The following TPD52L1 variants were observed in gnomAD, a reference collection of about 807,000 sequenced individuals.
TPD52L1 encodes tumor protein D53.
Under a neutral mutation model 28.7 loss-of-function variants are expected in TPD52L1, and 18 were observed. That is an observed-to-expected ratio of 0.63 (90% CI 0.43 to 0.93). The LOEUF (loss-of-function observed/expected upper bound fraction) is 0.93. Ranked by LOEUF, TPD52L1 falls within the 40% of genes least tolerant of loss-of-function variation. TPD52L1 has a pLI of 0.00. For synonymous variants in TPD52L1, 75 were observed against 88.8 expected, an observed-to-expected ratio of 0.84 and a Z score of 0.88; for missense variants, 203 against 254.8, an observed-to-expected ratio of 0.80 and a Z score of 1.39.
At chr6:125,206,036 G>A (rs1418689181) in intron 1 of TPD52L1, among the ~76,000 whole-genome samples, 2 of 152,132 alleles carry the variant, frequency 1.3e-5, no homozygotes, top group African/African-American at 4.8e-5. Context: ...AATGTGGTCG[G>A]CTACAACTTC....
intron 1 of TPD52L1, among the ~76,000 whole-genome samples, chr6:125,210,820 G>A (rs777378750): frequency 1.3e-5 from 2 of 152,146 alleles, no homozygotes; most frequent in Non-Finnish European, 2.9e-5. Flanking sequence ...ATTCTTGTGG[G>A]TAGGCATTAT....
At chr6:125,193,908 C>A (rs1189800714) in intron 1 of TPD52L1, among the ~76,000 whole-genome samples, 2 of 151,934 alleles carry the variant, frequency 1.3e-5, no homozygotes, top group Non-Finnish European at 1.5e-5. Context: ...GCTCACAACC[C>A]AGTGGGTTTT....
In TPD52L1 at chr6:125,220,136, C is replaced by T. The variant is rs1045984964; in HGVS notation, c.78C>T (p.Asp26=). Residue 26 remains aspartate (D), a synonymous_variant, in exon 2 of 7, where the codon GAC becomes GAT. Transcript: ENST00000534000. ...GTDEDAVASA[D]FSSMLSEEEK... is the part of the protein sequence containing the mutation. Reference sequence around the variant, plus strand: ...ACGAAGATGCAGTAGCCAGTGCTGACTTCTCTAGCATGCTCTCTGAGGAGG... The same window carrying T: ...ACGAAGATGCAGTAGCCAGTGCTGATTTCTCTAGCATGCTCTCTGAGGAGG... The T allele has an allele frequency of 6.2e-7, 1 of 1,613,866 alleles. No homozygotes were observed. Among genetic ancestry groups the T allele is most frequent in the East Asian group, 2.2e-5 (1 of 44,870 alleles).
chr6:125,154,584 C>A, intron 1 of TPD52L1: 1 of 969,554 alleles, frequency 1.0e-6, no homozygotes, highest in Middle Eastern at 5.3e-4. Context: ...CCGTGGCGCG[C>A]GGGGCCCCCG....
intron 1 of TPD52L1, among the ~76,000 whole-genome samples, chr6:125,205,680 T>A (rs480681): frequency 0.15 from 22,550 of 152,208 alleles, 2,033 homozygotes; most frequent in East Asian, 0.27. Flanking sequence ...CTTGGTTAAC[T>A]GTTGGGTACC....
At chr6:125,257,940 T>C (rs1426233941) in intron 6 of TPD52L1, among the ~76,000 whole-genome samples, 1 of 152,216 alleles carries the variant, frequency 6.6e-6, no homozygotes, top group East Asian at 1.9e-4. Flanking sequence ...ATACAATCCA[T>C]TTCTGTATTT....
chr6:125,175,811 A>G (rs367674171), intron 1 of TPD52L1, among the ~76,000 whole-genome samples: 12 of 152,276 alleles, frequency 7.9e-5, no homozygotes, highest in African/African-American at 2.6e-4. Flanking sequence ...GGTTAAAAGG[A>G]AAGAGGTCAC....
At chr6:125,259,495 G>A (rs1291686711) in intron 6 of TPD52L1, among the ~76,000 whole-genome samples, 1 of 152,160 alleles carries the variant, frequency 6.6e-6, no homozygotes, top group Admixed American at 6.5e-5. Flanking sequence ...GATGTCACCT[G>A]TACAGTCACT....
In TPD52L1 at chr6:125,153,948, C is replaced by T. The variant is rs1244682425; in HGVS notation, c.-4C>T. 26 of 1,607,134 alleles carry T rather than the reference C, an allele frequency of 1.6e-5. No homozygotes were observed. Among genetic ancestry groups the T allele is most frequent in the Non-Finnish European group, 2.2e-5 (26 of 1,178,508 alleles). On this transcript the variant is annotated 5_prime_UTR_variant, in exon 1 of 7. Transcript: ENST00000534000. ...CCGCCGCCCTCAGCTCGAAGTCAGC[C>T]ACCATGGAGGCGCAGGCACAAGGTG...
chr6:125,219,024 G>C (rs1037067768), intron 1 of TPD52L1, among the ~76,000 whole-genome samples: 3 of 152,166 alleles, frequency 2.0e-5, no homozygotes, highest in African/African-American at 7.2e-5. Flanking sequence ...CCTAAAACCG[G>C]CAGAAACTTC....
intron 4 of TPD52L1, 121 bp downstream of exon 4, chr6:125,248,504 T>A: frequency 1.5e-6 from 1 of 686,784 alleles, no homozygotes; most frequent in Admixed American, 2.7e-5. Flanking sequence ...GATAAAAATG[T>A]TATATGGCTG....
At chr6:125,256,955 A>G (rs1583027731) in intron 5 of TPD52L1, 143 bp from the exon 6 acceptor site, 3 of 620,830 alleles carry the variant, frequency 4.8e-6, no homozygotes, top group Non-Finnish European at 8.4e-6. Flanking sequence ...CATACATTTT[A>G]AAACGTGGTT....
intron 1 of TPD52L1, among the ~76,000 whole-genome samples, chr6:125,175,161 A>G (rs1370307135): frequency 6.6e-6 from 1 of 151,954 alleles, no homozygotes; most frequent in Admixed American, 6.6e-5. Flanking sequence ...AGGGGCTTTG[A>G]TTGTTTTCTT....
intron 2 of TPD52L1, among the ~76,000 whole-genome samples, chr6:125,226,503 G>A (rs766109223): frequency 2.0e-5 from 3 of 151,998 alleles, no homozygotes; most frequent in Non-Finnish European, 2.9e-5. Context: ...ACAGCCCCTC[G>A]TGGTTTTTAA....
chr6:125,255,787 C>T (rs1417738138), intron 5 of TPD52L1, among the ~76,000 whole-genome samples: 2 of 151,462 alleles, frequency 1.3e-5, no homozygotes, highest in Admixed American at 6.6e-5. Flanking sequence ...ATTAATTCAA[C>T]ATTTAGTTGA....
At chr6:125,203,911 C>T in intron 1 of TPD52L1, 1 of 500,288 alleles carries the variant, frequency 2.0e-6, no homozygotes, top group Non-Finnish European at 2.6e-6. Context: ...GTAGAGCTGT[C>T]TTTTACTGAT....
chr6:125,248,244 C>A, intron 3 of TPD52L1, 38 bp from the exon 4 acceptor site: 2 of 1,503,468 alleles, frequency 1.3e-6, no homozygotes, highest in South Asian at 1.1e-5. Flanking sequence ...TATGGGAGAT[C>A]ATGATATAAA....
intron 2 of TPD52L1, among the ~76,000 whole-genome samples, chr6:125,227,458 G>C (rs527800406): frequency 2.0e-5 from 3 of 152,166 alleles, no homozygotes; most frequent in Non-Finnish European, 2.9e-5. Flanking sequence ...AGCCTGACAG[G>C]GTTGGTGTGA....
rs950591065 is a variant in TPD52L1 at position 125,204,622 on chromosome 6, G to T, written c.20-15456G>T. On this transcript the variant is annotated intron_variant, in intron 1 of 6. Transcript: ENST00000534000. ...AGCCTCCCTAGTAGCTGGGACTACA[G>T]GCGCCCGCCGTCACGCCCGGGTAAC... 1.6e-4 allele frequency among the ~76,000 whole-genome samples: 25 copies of T among 152,160 alleles called. No homozygotes were observed. The East Asian group carries it at 4.7e-3, about 28-fold the overall frequency.
Sources: gnomAD v4.1 joint callset for allele counts (sites outside exome capture counted in the v4.1 genomes callset) on GRCh38, gnomAD v4.1.1 for gene constraint, MANE v1.5 for transcripts, NCBI Gene and HGNC (gene_info 2026-07-23, HGNC 2026-07-21) for gene names.